BAD: variants seen among roughly 807,000 people sequenced by gnomAD.
BAD encodes bcl2-associated agonist of cell death.
A neutral mutation model predicts 17.8 loss-of-function variants in BAD; 18 were observed. The ratio of observed to expected loss-of-function variants is 1.01; its 90% CI spans 0.70 to 1.50. The LOEUF is 1.50. BAD is among the 40% of genes most tolerant of loss of function. The probability of loss-of-function intolerance (pLI) is 0.00; values close to 1 mark genes in which losing one functional copy is unlikely to be tolerated. For synonymous variants in BAD, 112 were observed against 91.5 expected, an observed-to-expected ratio of 1.22 and a Z score of -1.28; for missense variants, 294 against 239.3, an observed-to-expected ratio of 1.23 and a Z score of -1.51.
In BAD at chr11:64,271,063, A is replaced by T. The variant is rs1279090470; in HGVS notation, c.378+550T>A. Among the ~76,000 whole-genome samples, 6 of 890 alleles carry T rather than the reference A, an allele frequency of 6.7e-3. 1 individual carries two copies. The highest frequency in any genetic ancestry group is 0.17 in the East Asian group (1 of 6). The allele number at this position is 890 out of a possible 152,430, so 0.6% of individuals were successfully genotyped here. On this transcript the variant is annotated intron_variant, in intron 3 of 3. Coordinates refer to ENST00000309032, the MANE Select transcript of BAD (RefSeq NM_032989.3). ...GATCCCAGCATGCCCTGTGACTGAC[A>T]CACACACACACACACACACACACAC... is the stretch of plus-strand genomic sequence containing the variant.
chr11:64,277,214 A>G (rs1055649765), intron 2 of BAD, among the ~76,000 whole-genome samples: 3 of 152,144 alleles, frequency 2.0e-5, no homozygotes, highest in Non-Finnish European at 4.4e-5. Flanking sequence ...ACCACACACA[A>G]TCTGCTGCCG....
At position 64,271,760 on chromosome 11, in the gene BAD, G is replaced by A; in HGVS notation, c.231C>T (p.Pro77=). ...TCCCTTCGTCGTCCTCCGTCCCCGCGGGGTAGGAGCTGTGGCGACTCCGGA... is the reference window on the plus strand; with the variant it reads ...TCCCTTCGTCGTCCTCCGTCCCCGCAGGGTAGGAGCTGTGGCGACTCCGGA... ...VEIRSRHSSY[P]AGTEDDEGMG... The change falls in exon 3 of 4, where the codon CCC becomes CCT. Residue 77 remains proline (P), a synonymous_variant. Coordinates refer to ENST00000309032, the MANE Select transcript of BAD (RefSeq NM_032989.3). 2 of 1,422,572 alleles carry A rather than the reference G, an allele frequency of 1.4e-6. No individual in the cohort carries two copies. Among genetic ancestry groups the A allele is most frequent in the Non-Finnish European group, 1.8e-6 (2 of 1,087,098 alleles). 88.1% of individuals were successfully genotyped at this position (1,422,572 alleles called of 1,614,324 possible). A position where few individuals can be genotyped will look rare whatever the true frequency, so the allele number is the denominator to read the frequency against.
rs767287994 is a variant in BAD at position 64,284,633 on chromosome 11, C to G, written c.-11G>C. ...TGGTGACGGCGCACAGGTCTCACCC[C>G]AAGCCCGATCTCGAGGCCCCTGACC... On this transcript the variant is annotated splice_region_variant and 5_prime_UTR_variant, in exon 1 of 4. Transcript: ENST00000309032. 3.3e-6 allele frequency: 5 copies of G among 1,528,268 alleles called. No individual in the cohort carries two copies. The South Asian group carries it at 4.8e-5, about 15-fold the overall frequency. The allele number at this position is 1,528,268 out of a possible 1,614,324, so 94.7% of individuals were successfully genotyped here.
In BAD at chr11:64,271,627, C is replaced by T; in HGVS notation, c.364G>A (p.Val122Met). Residue 122 changes from valine to methionine, a missense_variant, in exon 3 of 4, where the codon GTG becomes ATG. Transcript: ENST00000309032. ...RELRRMSDEF[V>M]DSFKKGLPRP... Reference sequence around the variant, plus strand: ...CTGGCGCTCACCTTAAAGGAGTCCACAAACTCGTCACTCATCCTCCGGAGC... The same window carrying T: ...CTGGCGCTCACCTTAAAGGAGTCCATAAACTCGTCACTCATCCTCCGGAGC... The T allele has an allele frequency of 1.3e-6, 2 of 1,499,402 alleles. No individual in the cohort carries two copies. Among genetic ancestry groups the T allele is most frequent in the South Asian group, 2.5e-5 (2 of 78,888 alleles). 92.9% of individuals were successfully genotyped at this position (1,499,402 alleles called of 1,614,324 possible). A position where few individuals can be genotyped will look rare whatever the true frequency, so the allele number is the denominator to read the frequency against.
intron 2 of BAD, chr11:64,275,741 A>T (rs2033011561): frequency 6.6e-6 from 1 of 151,944 alleles, no homozygotes; most frequent in Non-Finnish European, 1.5e-5. Flanking sequence ...TGCCGGACAC[A>T]AGGCCCCACA....
chr11:64,283,959 G>A (rs144134001), intron 2 of BAD, among the ~76,000 whole-genome samples: 248 of 152,300 alleles, frequency 1.6e-3, no homozygotes, highest in African/African-American at 5.6e-3. Context: ...GCTTTAATGT[G>A]CACCAGCTCT....
In BAD at chr11:64,269,837, C is replaced by T. The variant is rs1440135111; in HGVS notation, c.*372G>A. 1 of 692,776 alleles carries T rather than the reference C, an allele frequency of 1.4e-6. No individual in the cohort carries two copies. Among genetic ancestry groups the T allele is most frequent in the Non-Finnish European group, 2.6e-6 (1 of 380,976 alleles). 42.9% of individuals were successfully genotyped at this position (692,776 alleles called of 1,614,324 possible). On this transcript the variant is annotated 3_prime_UTR_variant, in exon 4 of 4. Transcript: ENST00000309032. ...GACGCACAGAAAAGCCTCGGCGGCACAGACGCGGGCTTTATTAACATTTGG... is the reference window on the plus strand; with the variant it reads ...GACGCACAGAAAAGCCTCGGCGGCATAGACGCGGGCTTTATTAACATTTGG...
chr11:64,273,855 CAAAAAAAAAAAA>C (rs34577596), intron 2 of BAD, among the ~76,000 whole-genome samples: 79 of 54,838 alleles, frequency 1.4e-3, no homozygotes, highest in African/African-American at 5.7e-3. Flanking sequence ...GCACCCATCT[CAAAAAAAAAAAA>C]AAAAAAAAAA....
chr11:64,273,815 G>T (rs1428423785), intron 2 of BAD, among the ~76,000 whole-genome samples: 2 of 140,562 alleles, frequency 1.4e-5, no homozygotes, highest in African/African-American at 5.3e-5. Flanking sequence ...CTGGGCAGCA[G>T]AGGTTACAGT....
intron 2 of BAD, chr11:64,276,290 GTA>G (rs1390264017): frequency 5.2e-5 from 4 of 76,982 alleles, no homozygotes; most frequent in African/African-American, 1.5e-4. Context: ...GTGTGTGTGT[GTA>G]TATATTTGTG....
chr11:64,277,758 C>A (rs1353360427), intron 2 of BAD, among the ~76,000 whole-genome samples: 1 of 152,082 alleles, frequency 6.6e-6, no homozygotes, highest in Non-Finnish European at 1.5e-5. Context: ...ACTTTCTTTT[C>A]CCTTTTCCTA....
chr11:64,281,578 T>C (rs2033473507), intron 2 of BAD, among the ~76,000 whole-genome samples: 1 of 152,182 alleles, frequency 6.6e-6, no homozygotes, highest in Non-Finnish European at 1.5e-5. Context: ...GGTGTTGCCC[T>C]CGAGGCCTTA....
chr11:64,273,598 G>A (rs2032805189), intron 2 of BAD, among the ~76,000 whole-genome samples: 2 of 149,904 alleles, frequency 1.3e-5, no homozygotes, highest in South Asian at 4.2e-4. Flanking sequence ...AGCAGGTGGG[G>A]GGCTGGGCGC....
At position 64,270,132 on chromosome 11, in the gene BAD, G is replaced by A. The variant is rs1296569381; in HGVS notation, c.*77C>T. The A allele has an allele frequency of 1.2e-6, 2 of 1,605,970 alleles. No homozygotes were observed. Among genetic ancestry groups the A allele is most frequent in the South Asian group, 1.1e-5 (1 of 90,510 alleles). On this transcript the variant is annotated 3_prime_UTR_variant, in exon 4 of 4. Transcript: ENST00000309032. ...ATCCTCTTTTTGCATAGGCCTGAGG[G>A]AAGTACTTCCGCCCATATTCAAGAT... is the stretch of plus-strand genomic sequence containing the variant.
intron 2 of BAD, 75 bp downstream of exon 2, chr11:64,284,107 G>A (rs1206342270): frequency 1.4e-6 from 2 of 1,481,302 alleles, no homozygotes; most frequent in Non-Finnish European, 1.8e-6. Context: ...AGTGCCTGTG[G>A]ATGCAACTGG....
upstream of BAD, chr11:64,284,666 GC>G (rs1172041117): frequency 6.5e-7 from 1 of 1,534,880 alleles, no homozygotes; most frequent in Admixed American, 2.0e-5. Flanking sequence ...ACCCGGGCCT[GC>G]CGCCTCCCTC....
Position 64,271,593 on chromosome 11 carries a change from C to T in BAD, c.378+20G>A. Reference sequence around the variant, plus strand: ...CGGCCTGGTACTTCAGGTCCTGGCACGCTGGGGACTGGCGCTCACCTTAAA... The same window carrying T: ...CGGCCTGGTACTTCAGGTCCTGGCATGCTGGGGACTGGCGCTCACCTTAAA... On this transcript the variant is annotated intron_variant, in intron 3 of 3. Transcript: ENST00000309032. 1 of 1,410,174 alleles carries T rather than the reference C, an allele frequency of 7.1e-7. No individual in the cohort carries two copies. The highest frequency in any genetic ancestry group is 9.2e-7 in the Non-Finnish European group (1 of 1,081,280). The allele number at this position is 1,410,174 out of a possible 1,614,324, so 87.4% of individuals were successfully genotyped here.
Position 64,284,519 on chromosome 11 carries a change from G to A in BAD, c.-9+112C>T, listed in dbSNP as rs1009076116. 8.4e-6 allele frequency: 13 copies of A among 1,543,112 alleles called. No homozygotes were observed. The African/African-American group carries it at 1.1e-4, about 13-fold the overall frequency. On this transcript the variant is annotated intron_variant, in intron 1 of 3. Coordinates refer to ENST00000309032, the MANE Select transcript of BAD (RefSeq NM_032989.3). ...CCTCCTGGGCCCTCATCTGTCTGCCGGGTCTGGCCTGGCAGGGAGCTGAGG... is the reference window on the plus strand; with the variant it reads ...CCTCCTGGGCCCTCATCTGTCTGCCAGGTCTGGCCTGGCAGGGAGCTGAGG...
Position 64,272,500 on chromosome 11 carries a change from G to T in BAD, c.188-697C>A, listed in dbSNP as rs564226323. ...ATGCCTCCTCTGCAAGGGACCTGCA[G>T]AGCCCCTGGAGAACAAGAACTTGGC... On this transcript the variant is annotated intron_variant, in intron 2 of 3. Transcript: ENST00000309032. 1.6e-4 allele frequency among the ~76,000 whole-genome samples: 25 copies of T among 152,250 alleles called. 1 individual carries two copies. In the South Asian group the frequency reaches 5.2e-3, roughly 32 times the overall value.
Sources: allele counts gnomAD v4.1 joint callset (sites outside exome capture counted in the v4.1 genomes callset), GRCh38; gene constraint gnomAD v4.1.1; transcripts MANE v1.5; gene names NCBI Gene and HGNC (gene_info 2026-07-23, HGNC 2026-07-21).